PATJ: variants seen among roughly 807,000 people sequenced by gnomAD.
PATJ encodes inaD-like protein.
A neutral mutation model predicts 224.9 loss-of-function variants in PATJ; 190 were observed. The ratio of observed to expected loss-of-function variants is 0.84; its 90% CI spans 0.75 to 0.95. PATJ has a LOEUF of 0.95. Among genes scored for constraint, PATJ ranks in the 40% least tolerant of loss-of-function variants. The pLI, the probability that PATJ is intolerant of heterozygous loss-of-function variation, is 0.00. For missense variants in PATJ, 2,121 were observed against 2,270.3 expected (o/e 0.93, Z 1.34); for synonymous variants, 769 against 820.3 (o/e 0.94, Z 1.07).
intron 17 of PATJ, among the ~76,000 whole-genome samples, chr1:61,840,584 TC>T (rs1660926635): frequency 6.6e-6 from 1 of 152,068 alleles, no homozygotes; most frequent in Non-Finnish European, 1.5e-5. Context: ...ATATGCTCTT[TC>T]ATTTTGGTAC....
chr1:61,841,269 A>C (rs888907911), intron 17 of PATJ, among the ~76,000 whole-genome samples: 5 of 152,112 alleles, frequency 3.3e-5, no homozygotes, highest in African/African-American at 1.2e-4. Flanking sequence ...TTAGGACTTT[A>C]ATTTTTACCA....
At chr1:61,945,521 AGAG>A (rs1197805754) in intron 27 of PATJ, among the ~76,000 whole-genome samples, 1 of 152,242 alleles carries the variant, frequency 6.6e-6, no homozygotes, top group Non-Finnish European at 1.5e-5. Flanking sequence ...TTCAACAAGA[AGAG>A]CTAACTATCG....
At chr1:62,155,692 TAAAAA>T (rs34095874) in intron 43 of PATJ, among the ~76,000 whole-genome samples, 3 of 140,628 alleles carry the variant, frequency 2.1e-5, no homozygotes, top group East Asian at 4.1e-4. Flanking sequence ...GCTCTGAATT[TAAAAA>T]AAAAAAAAAA....
intron 21 of PATJ, among the ~76,000 whole-genome samples, chr1:61,878,541 A>T (rs1162919046): frequency 1.3e-5 from 2 of 152,102 alleles, no homozygotes; most frequent in African/African-American, 4.8e-5. Flanking sequence ...AGTTTCAGTG[A>T]TGATTATAGG....
At chr1:61,792,323 G>A (rs1650053656) in intron 9 of PATJ, among the ~76,000 whole-genome samples, 1 of 152,130 alleles carries the variant, frequency 6.6e-6, no homozygotes, top group African/African-American at 2.4e-5. Context: ...AAAGAGCTCA[G>A]TGTGGATTGT....
chr1:61,745,929 A>C (rs1029467646), intron 1 of PATJ, among the ~76,000 whole-genome samples: 1 of 150,758 alleles, frequency 6.6e-6, no homozygotes, highest in Non-Finnish European at 1.5e-5. Flanking sequence ...AAAAATTTTT[A>C]TTCATTTATT....
intron 33 of PATJ, among the ~76,000 whole-genome samples, chr1:62,100,730 T>A (rs1486904861): frequency 6.6e-6 from 1 of 152,168 alleles, no homozygotes; most frequent in African/African-American, 2.4e-5. Context: ...GTTTATTGAG[T>A]GCCTACTCTG....
At chr1:61,843,553 C>G (rs959838983) in intron 17 of PATJ, among the ~76,000 whole-genome samples, 1 of 151,978 alleles carries the variant, frequency 6.6e-6, no homozygotes, top group Non-Finnish European at 1.5e-5. Flanking sequence ...GCCTGGGCAA[C>G]ACAGTGAAAC....
intron 27 of PATJ, among the ~76,000 whole-genome samples, chr1:61,983,907 C>T (rs1644589605): frequency 2.0e-5 from 3 of 151,922 alleles, no homozygotes; most frequent in African/African-American, 7.3e-5. Flanking sequence ...TCAGTGCAGC[C>T]TCAACCTCCT....
chr1:62,132,714 G>C (rs572803486), intron 41 of PATJ, among the ~76,000 whole-genome samples: 51 of 152,076 alleles, frequency 3.4e-4, no homozygotes, highest in African/African-American at 1.1e-3. Flanking sequence ...ACCAGCTTGG[G>C]CAACATGGTG....
At chr1:62,055,021 C>T (rs1033836559) in intron 31 of PATJ, among the ~76,000 whole-genome samples, 2 of 151,876 alleles carry the variant, frequency 1.3e-5, no homozygotes, top group Non-Finnish European at 2.9e-5. Context: ...CACCATTGCA[C>T]TCCAGCCTGG....
At chr1:62,029,139 AT>A (rs1253195114) in intron 29 of PATJ, among the ~76,000 whole-genome samples, 1 of 151,980 alleles carries the variant, frequency 6.6e-6, no homozygotes, top group African/African-American at 2.4e-5. Flanking sequence ...CTTCAACTTT[AT>A]TTTTCTTTTT....
In PATJ at chr1:62,161,253, T is replaced by C. The variant is rs555763457; in HGVS notation, c.*199T>C. On this transcript the variant is annotated 3_prime_UTR_variant, in exon 44 of 44. Transcript: ENST00000642238. ...TCATCTCCTAATGTTTCCCAGTTCC[T>C]GTCACCTGTTGGCGAGGTTGATTTC... 49 of 406,644 alleles carry C rather than the reference T, an allele frequency of 1.2e-4. No individual in the cohort carries two copies. Among genetic ancestry groups the C allele is most frequent in the African/African-American group, 9.0e-4 (44 of 48,882 alleles). 25.2% of individuals were successfully genotyped at this position (406,644 alleles called of 1,614,324 possible).
intron 34 of PATJ, 74 bp from the exon 35 acceptor site, chr1:62,113,979 A>T (rs1664155807): frequency 7.0e-7 from 1 of 1,425,114 alleles, no homozygotes; most frequent in Non-Finnish European, 9.7e-7. Context: ...TGGTTAGATC[A>T]AGGAGATTCA....
intron 16 of PATJ, among the ~76,000 whole-genome samples, chr1:61,830,909 C>T (rs1311790928): frequency 6.6e-6 from 1 of 152,062 alleles, no homozygotes; most frequent in Non-Finnish European, 1.5e-5. Flanking sequence ...TAAATGTAGG[C>T]CGGGCATGGT....
At chr1:61,894,265 A>ACAAAC (rs1553194649) in intron 22 of PATJ, among the ~76,000 whole-genome samples, 5 of 131,304 alleles carry the variant, frequency 3.8e-5, no homozygotes, top group South Asian at 2.3e-4. Flanking sequence ...ATAAAAAAAA[A>ACAAAC]AAAACACAAA....
At chr1:62,006,796 A>G (rs1003041473) in intron 28 of PATJ, among the ~76,000 whole-genome samples, 3 of 152,246 alleles carry the variant, frequency 2.0e-5, no homozygotes, top group Admixed American at 2.0e-4. Context: ...TTGCAAATAC[A>G]GTCAGGCCTT....
intron 20 of PATJ, among the ~76,000 whole-genome samples, chr1:61,873,028 A>C (rs1356169690): frequency 6.6e-6 from 1 of 152,184 alleles, no homozygotes; most frequent in African/African-American, 2.4e-5. Flanking sequence ...GACCATTTTC[A>C]AAACAAAATT....
chr1:62,151,941 T>C (rs1157583676), intron 42 of PATJ, among the ~76,000 whole-genome samples: 2 of 152,200 alleles, frequency 1.3e-5, no homozygotes, highest in African/African-American at 4.8e-5. Flanking sequence ...TTTTTAGCCA[T>C]GTTGTTTCTA....
Sources: allele counts gnomAD v4.1 joint callset (sites outside exome capture counted in the v4.1 genomes callset), GRCh38; gene constraint gnomAD v4.1.1; transcripts MANE v1.5; gene names NCBI Gene and HGNC (gene_info 2026-07-23, HGNC 2026-07-21).